The following LIFR variants were observed in gnomAD, a reference collection of about 807,000 sequenced individuals.
LIFR encodes leukemia inhibitory factor receptor.
In LIFR, 84 loss-of-function variants were observed where a neutral mutation model predicts 122.2. The ratio of observed to expected loss-of-function variants is 0.69; its 90% CI spans 0.58 to 0.82. The LOEUF (loss-of-function observed/expected upper bound fraction) is 0.82, where lower values mean the gene tolerates loss of function less well. LIFR is among the 40% of genes least tolerant of loss of function. The pLI is 0.00. For missense variants in LIFR, 1,294 were observed against 1,311.6 expected, an observed-to-expected ratio of 0.99 and a Z score of 0.21; for synonymous variants, 422 against 434.7, an observed-to-expected ratio of 0.97 and a Z score of 0.36.
chr5:38,545,754 T>G (rs747171524), intron 1 of LIFR, among the ~76,000 whole-genome samples: 1 of 148,298 alleles, frequency 6.7e-6, no homozygotes. Flanking sequence ...CCCAGCTATG[T>G]GGGAGGCTGA....
upstream of LIFR, among the ~76,000 whole-genome samples, chr5:38,600,051 T>C (rs1208273965): frequency 6.6e-6 from 1 of 152,238 alleles, no homozygotes; most frequent in Non-Finnish European, 1.5e-5. Context: ...TGATAAAACC[T>C]TGGTCTCCAC....
chr5:38,571,921 G>A (rs1486343396), intron 1 of LIFR, among the ~76,000 whole-genome samples: 1 of 152,184 alleles, frequency 6.6e-6, no homozygotes, highest in South Asian at 2.1e-4. Flanking sequence ...TTACCCATGA[G>A]TACTTTCAAA....
chr5:38,504,554 TTAAGATGAGC>T (rs1745359071), intron 9 of LIFR, among the ~76,000 whole-genome samples: 1 of 152,078 alleles, frequency 6.6e-6, no homozygotes, highest in Non-Finnish European at 1.5e-5. Context: ...AAGATGGAAC[TTAAGATGAGC>T]TATGCAGGAA....
chr5:38,484,126 A>C (rs1444683272), intron 18 of LIFR, among the ~76,000 whole-genome samples: 5 of 151,632 alleles, frequency 3.3e-5, no homozygotes. Flanking sequence ...CCCTCTCCTT[A>C]CCCTTTGGAA....
chr5:38,502,743 C>T lies in LIFR; in HGVS notation c.1494G>A (p.Lys498=). The change falls in exon 11 of 20, where the codon AAG becomes AAA. Residue 498 remains lysine, a synonymous_variant. Coordinates refer to ENST00000453190, the MANE Select transcript of LIFR (RefSeq NM_001127671.2). ...ENSSYLVALD[K]LNPYTLYTFR... ...AAGTATATAGAGTGTATGGATTTAA[C>T]TTGTCCAGAGCAACAAGATAACTTG... The T allele has an allele frequency of 6.2e-7, 1 of 1,611,764 alleles. No individual in the cohort carries two copies. Among genetic ancestry groups the T allele is most frequent in the Non-Finnish European group, 8.5e-7 (1 of 1,178,010 alleles).
At chr5:38,592,755 T>C (rs767017051) in intron 1 of LIFR, among the ~76,000 whole-genome samples, 5 of 152,100 alleles carry the variant, frequency 3.3e-5, no homozygotes, top group Non-Finnish European at 7.4e-5. Context: ...ATTAAACTAA[T>C]ACTTTTAAAA....
chr5:38,547,204 CCTCCAGTG>C (rs1747941832), intron 1 of LIFR, among the ~76,000 whole-genome samples: 1 of 152,080 alleles, frequency 6.6e-6, no homozygotes, highest in African/African-American at 2.4e-5. Context: ...AGTCTTGTCA[CCTCCAGTG>C]TGACGAGATA....
chr5:38,529,366 T>C (rs1746878791), intron 2 of LIFR, among the ~76,000 whole-genome samples: 1 of 152,098 alleles, frequency 6.6e-6, no homozygotes, highest in Admixed American at 6.6e-5. Flanking sequence ...CCCACCTCAT[T>C]GCTTGCTACC....
intron 1 of LIFR, among the ~76,000 whole-genome samples, chr5:38,536,533 C>G (rs2112592611): frequency 6.6e-6 from 1 of 152,282 alleles, no homozygotes; most frequent in Admixed American, 6.5e-5. Flanking sequence ...CTGTGAAGGT[C>G]TTGGAACGTG....
At chr5:38,558,075 ATATTT>A (rs1368274750), upstream of LIFR, 1 of 152,136 alleles carries the variant, frequency 6.6e-6, no homozygotes, top group African/African-American at 2.4e-5. Context: ...CCCACAAAAA[ATATTT>A]TAATTTCTTT....
At chr5:38,532,203 C>CA (rs1311259842) in intron 1 of LIFR, among the ~76,000 whole-genome samples, 3 of 152,336 alleles carry the variant, frequency 2.0e-5, no homozygotes, top group Non-Finnish European at 4.4e-5. Context: ...AAAAGAGACA[C>CA]AGGCCCTACA....
intron 9 of LIFR, among the ~76,000 whole-genome samples, chr5:38,504,902 G>C (rs1037774507): frequency 2.0e-5 from 3 of 152,166 alleles, no homozygotes; most frequent in African/African-American, 7.2e-5. Flanking sequence ...TCAGCTGTGA[G>C]ACTGTATGAG....
rs769609437 is a variant in LIFR, at chr5:38,502,621, CACTT to C, written c.1600+12_1600+15del. On this transcript the variant is annotated intron_variant, in intron 11 of 19. Coordinates refer to ENST00000453190, the MANE Select transcript of LIFR (RefSeq NM_001127671.2). ...TACACAGTAATTATTAGCCATACATCACTTAGTTAACTTACTGGCTTCTGTTGTT... is the reference window on the plus strand; with the variant it reads ...TACACAGTAATTATTAGCCATACATCAGTTAACTTACTGGCTTCTGTTGTT... The C allele has an allele frequency of 6.3e-7, 1 of 1,590,122 alleles. No homozygotes were observed. The highest frequency in any genetic ancestry group is 1.1e-5 in the South Asian group (1 of 90,546).
rs1743716939 is a variant in LIFR, at chr5:38,476,262, T to C, written c.*5333A>G. On this transcript the variant is annotated 3_prime_UTR_variant, in exon 20 of 20. Transcript: ENST00000453190. ...AATTGCAAAAACACTAATACTAATG[T>C]TAAACCTAACAGTTAACTTTTCCAC... is the stretch of plus-strand genomic sequence containing the variant. 1 of 208,648 alleles carries C rather than the reference T, an allele frequency of 4.8e-6. No homozygotes were observed. The highest frequency in any genetic ancestry group is 1.9e-4 in the South Asian group (1 of 5,310). The allele number at this position is 208,648 out of a possible 1,614,324, so 12.9% of individuals were successfully genotyped here. A position where few individuals can be genotyped will look rare whatever the true frequency, so the allele number is the denominator to read the frequency against.
intron 5 of LIFR, among the ~76,000 whole-genome samples, chr5:38,520,338 T>C (rs1746336246): frequency 6.6e-6 from 1 of 152,174 alleles, no homozygotes; most frequent in African/African-American, 2.4e-5. Flanking sequence ...GTTGAGTTGT[T>C]TTAGTTCACG....
Position 38,502,745 on chromosome 5 carries a change from T to C in LIFR, c.1492A>G (p.Lys498Glu). The change falls in exon 11 of 20, where the codon AAG becomes GAG. Residue 498 changes from lysine (K) to glutamate (E), a missense_variant. Lys to Glu is a moderately conservative substitution (Grantham distance 56). Coordinates refer to ENST00000453190, the MANE Select transcript of LIFR (RefSeq NM_001127671.2). ...ENSSYLVALDKLNPYTLYTFR... is the reference protein window; with the variant it reads ...ENSSYLVALDELNPYTLYTFR... ...GTATATAGAGTGTATGGATTTAACT[T>C]GTCCAGAGCAACAAGATAACTTGAA... 1 of 1,611,672 alleles carries C rather than the reference T, an allele frequency of 6.2e-7. No individual in the cohort carries two copies. Among genetic ancestry groups the C allele is most frequent in the South Asian group, 1.1e-5 (1 of 90,992 alleles).
chr5:38,485,318 T>C (rs892275177), intron 17 of LIFR, among the ~76,000 whole-genome samples: 14 of 152,190 alleles, frequency 9.2e-5, no homozygotes, highest in Non-Finnish European at 1.5e-4. Flanking sequence ...CATGGCTCTT[T>C]ATATAAGAGC....
intron 10 of LIFR, among the ~76,000 whole-genome samples, chr5:38,503,719 C>G (rs1050707674): frequency 1.3e-5 from 2 of 148,928 alleles, no homozygotes; most frequent in African/African-American, 4.9e-5. Context: ...CTCATTCATT[C>G]ACAAATTTAC....
At chr5:38,594,051 G>A (rs955385726) in intron 1 of LIFR, among the ~76,000 whole-genome samples, 8 of 152,180 alleles carry the variant, frequency 5.3e-5, no homozygotes, top group Non-Finnish European at 1.2e-4. Flanking sequence ...CAGGACACAC[G>A]GACGTGATCC....
Sources: gnomAD v4.1 joint callset for allele counts (sites outside exome capture counted in the v4.1 genomes callset) on GRCh38, gnomAD v4.1.1 for gene constraint, MANE v1.5 for transcripts, NCBI Gene and HGNC (gene_info 2026-07-23, HGNC 2026-07-21) for gene names.